Variants in EPB41 observed in about 807,000 individuals in gnomAD.
EPB41 encodes the protein erythrocyte membrane protein band 4.1.
EPB41 carries 65 observed loss-of-function variants against 108.0 expected under a neutral mutation model. That is an observed-to-expected ratio of 0.60 (90% CI 0.49 to 0.74). The LOEUF (loss-of-function observed/expected upper bound fraction) is 0.74, where lower values mean the gene tolerates loss of function less well. EPB41 is among the 30% of genes least tolerant of loss of function. EPB41 has a pLI of 0.00. For missense variants in EPB41, 875 were observed against 1,037.0 expected, an observed-to-expected ratio of 0.84 and a Z score of 2.15; for synonymous variants, 336 against 358.9, an observed-to-expected ratio of 0.94 and a Z score of 0.72.
intron 1 of EPB41, among the ~76,000 whole-genome samples, chr1:28,937,615 T>G (rs1469015819): frequency 6.6e-6 from 1 of 152,110 alleles, no homozygotes; most frequent in Admixed American, 6.6e-5. Flanking sequence ...GGCTGGTCTT[T>G]AACTCCTGAC....
intron 11 of EPB41, among the ~76,000 whole-genome samples, chr1:29,047,404 C>G (rs1043715477): frequency 6.8e-6 from 1 of 147,844 alleles, no homozygotes; most frequent in Non-Finnish European, 1.5e-5. Flanking sequence ...TTCACGCTAC[C>G]GCGCCTGGCT....
chr1:29,057,291 G>A (rs146537407), intron 12 of EPB41, among the ~76,000 whole-genome samples: 3,846 of 149,382 alleles, frequency 0.026, 178 homozygotes, highest in African/African-American at 0.089. Flanking sequence ...CAGGAGAATG[G>A]CGTGAACCCG....
chr1:29,003,201 A>G (rs1374092388), intron 4 of EPB41, among the ~76,000 whole-genome samples: 3 of 152,276 alleles, frequency 2.0e-5, no homozygotes, highest in Admixed American at 2.0e-4. Flanking sequence ...TGATTGAATC[A>G]GTAAAGTTCA....
At chr1:29,063,030 A>G (rs921716212) in intron 15 of EPB41, among the ~76,000 whole-genome samples, 1 of 152,238 alleles carries the variant, frequency 6.6e-6, no homozygotes, top group African/African-American at 2.4e-5. Context: ...ATCATTTTAC[A>G]TAGCATCTCT....
At chr1:28,998,486 T>G (rs1388326199) in intron 4 of EPB41, among the ~76,000 whole-genome samples, 1 of 152,210 alleles carries the variant, frequency 6.6e-6, no homozygotes, top group Non-Finnish European at 1.5e-5. Flanking sequence ...TAAGAAAAGT[T>G]GAAGGGCAGC....
intron 7 of EPB41, among the ~76,000 whole-genome samples, chr1:29,026,053 C>T (rs1022602123): frequency 3.3e-5 from 5 of 149,848 alleles, no homozygotes; most frequent in Non-Finnish European, 7.4e-5. Flanking sequence ...AAGAGATGGT[C>T]CCACACCAGC....
chr1:28,992,051 A>G (rs2096034776), intron 2 of EPB41, among the ~76,000 whole-genome samples: 2 of 152,204 alleles, frequency 1.3e-5, no homozygotes, highest in African/African-American at 2.4e-5. Flanking sequence ...AGTAGCAAAT[A>G]AAAATAATTA....
At chr1:29,036,320 C>T (rs1015605177) in intron 10 of EPB41, among the ~76,000 whole-genome samples, 30 of 140,650 alleles carry the variant, frequency 2.1e-4, no homozygotes, top group Non-Finnish European at 1.0e-4. Context: ...AGTGCCGTGG[C>T]GCGATCTCGG....
chr1:28,966,968 T>G (rs988318929), intron 1 of EPB41, among the ~76,000 whole-genome samples: 1 of 152,012 alleles, frequency 6.6e-6, no homozygotes, highest in Non-Finnish European at 1.5e-5. Flanking sequence ...CTAACTTCAG[T>G]TTTCAGTTCA....
chr1:28,956,807 C>T (rs1033671726), intron 1 of EPB41, among the ~76,000 whole-genome samples: 1 of 152,180 alleles, frequency 6.6e-6, no homozygotes, highest in Non-Finnish European at 1.5e-5. Context: ...ACCTTACCTT[C>T]AAAGAGCTTG....
At chr1:28,894,196 A>G (rs555171411) in intron 1 of EPB41, among the ~76,000 whole-genome samples, 3 of 152,350 alleles carry the variant, frequency 2.0e-5, no homozygotes, top group African/African-American at 7.2e-5. Context: ...TATTCATGTA[A>G]GCCCCACAAG....
At chr1:29,112,921 C>G (rs1008791295) in intron 19 of EPB41, among the ~76,000 whole-genome samples, 12 of 152,260 alleles carry the variant, frequency 7.9e-5, no homozygotes, top group African/African-American at 2.9e-4. Context: ...ATGCCCCTAC[C>G]CTTAGAGAGC....
chr1:28,986,668 G>A (rs1240577159), intron 1 of EPB41, among the ~76,000 whole-genome samples: 4 of 152,066 alleles, frequency 2.6e-5, no homozygotes, highest in Admixed American at 1.3e-4. Flanking sequence ...GGTAGTTCAC[G>A]CCTGTAATCC....
At chr1:29,029,705 G>A in intron 7 of EPB41, among the ~76,000 whole-genome samples, 1 of 152,214 alleles carries the variant, frequency 6.6e-6, no homozygotes, top group East Asian at 1.9e-4. Context: ...TGTTTAGACA[G>A]TGAGACTGAC....
intron 7 of EPB41, among the ~76,000 whole-genome samples, chr1:29,029,235 C>G (rs2096759132): frequency 2.0e-5 from 3 of 152,016 alleles, no homozygotes; most frequent in African/African-American, 7.2e-5. Flanking sequence ...TTCCCATTCT[C>G]CTTTTTTTAA....
intron 1 of EPB41, among the ~76,000 whole-genome samples, chr1:28,980,273 G>GGTTGCAGTGAGCTGAGATTATGCC (rs2095707008): frequency 1.3e-5 from 2 of 152,142 alleles, no homozygotes; most frequent in Non-Finnish European, 2.9e-5. Context: ...GGGAGATGGA[G>GGTTGCAGTGAGCTGAGATTATGCC]GTTGCAGTGA....
At chr1:29,010,389 G>A (rs1289831090) in intron 4 of EPB41, among the ~76,000 whole-genome samples, 3 of 152,132 alleles carry the variant, frequency 2.0e-5, no homozygotes, top group African/African-American at 7.2e-5. Context: ...TTTTGGACAA[G>A]GGAAGGGGAG....
upstream of EPB41, among the ~76,000 whole-genome samples, chr1:28,913,981 T>C (rs2092394585): frequency 1.3e-5 from 2 of 152,142 alleles, no homozygotes; most frequent in African/African-American, 4.8e-5. Context: ...TAGCTTCCAT[T>C]TCAGGCCTTA....
At chr1:29,037,553 A>G (rs1012108434) in intron 10 of EPB41, among the ~76,000 whole-genome samples, 35 of 151,388 alleles carry the variant, frequency 2.3e-4, no homozygotes, top group African/African-American at 7.5e-4. Flanking sequence ...AATTACTTGT[A>G]TTGAAAGGAA....
Sources: gnomAD v4.1 joint callset for allele counts (sites outside exome capture counted in the v4.1 genomes callset) on GRCh38, gnomAD v4.1.1 for gene constraint, MANE v1.5 for transcripts, NCBI Gene and HGNC (gene_info 2026-07-23, HGNC 2026-07-21) for gene names.